GATA4: variants seen among roughly 807,000 people sequenced by gnomAD.
GATA4 encodes transcription factor GATA-4.
A neutral mutation model predicts 37.9 loss-of-function variants in GATA4; 7 were observed. The observed-to-expected ratio is 0.18, with a 90% CI of 0.11 to 0.35. The LOEUF (loss-of-function observed/expected upper bound fraction) is 0.35, where lower values mean the gene tolerates loss of function less well. GATA4 is among the 10% of genes least tolerant of loss of function. GATA4 has a pLI of 1.00. For missense variants in GATA4, 647 were observed against 653.0 expected, an observed-to-expected ratio of 0.99 and a Z score of 0.10; for synonymous variants, 372 against 292.6, an observed-to-expected ratio of 1.27 and a Z score of -2.77.
chr8:11,698,083 T>C, intron 1 of GATA4: 6 of 889,514 alleles, frequency 6.7e-6, no homozygotes, highest in Non-Finnish European at 8.1e-6. Context: ...CCCGGCCGCT[T>C]TCTGGCGTCC....
chr8:11,751,780 T>C (rs914326397), intron 4 of GATA4, among the ~76,000 whole-genome samples: 10 of 152,220 alleles, frequency 6.6e-5, no homozygotes, highest in Non-Finnish European at 8.8e-5. Context: ...AGTTTGCCCA[T>C]ATACTTGGCA....
At chr8:11,694,980 T>A (rs1205352640) in intron 1 of GATA4, among the ~76,000 whole-genome samples, 2 of 152,232 alleles carry the variant, frequency 1.3e-5, no homozygotes, top group Admixed American at 1.3e-4. Context: ...ATAATTGCTG[T>A]ATATACAAGT....
At chr8:11,679,255 G>A (rs980668018) in intron 1 of GATA4, among the ~76,000 whole-genome samples, 7 of 151,300 alleles carry the variant, frequency 4.6e-5, no homozygotes, top group Non-Finnish European at 1.5e-5. Context: ...TGAAGGCCCT[G>A]CCTCGGATCT....
At chr8:11,694,601 C>G in intron 1 of GATA4, 1 of 746,820 alleles carries the variant, frequency 1.3e-6, no homozygotes, top group African/African-American at 1.9e-5. Flanking sequence ...TGCTTTGTTC[C>G]TAAGAGGAAA....
chr8:11,677,043 G>C (rs1798807399), exon 1 of GATA4: 1 of 152,508 alleles, frequency 6.6e-6, no homozygotes, highest in African/African-American at 2.4e-5. Context: ...GCAGCCGCAG[G>C]GACGCCGCTC....
At position 11,708,923 on chromosome 8, in the gene GATA4, A is replaced by G. The variant is rs562967066; in HGVS notation, c.611A>G (p.Asn204Ser). Residue 204 changes from asparagine to serine, a missense_variant, in exon 2 of 7, where the codon AAT becomes AGT. By Grantham distance (46) the Asn-to-Ser change is conservative (BLOSUM62 1). Around this residue, in one of 5 missense-constraint regions of GATA4, gnomAD observed 379 missense variants for 334.5 expected, o/e 1.13. Coordinates refer to ENST00000532059, the MANE Select transcript of GATA4 (RefSeq NM_001308093.3). The surrounding 1 kb of genome is among the most constrained non-coding windows in gnomAD (Gnocchi z 6.7). ...GCCAACCCGGCCGCCCGACACCCCA[A>G]TCTCGGTGAGTAGGAGCGCGAGGGC... ...GRANPAARHP[N>S]LVDMFDDFSE... 73 of 1,524,714 alleles carry G rather than the reference A, an allele frequency of 4.8e-5. No homozygotes were observed. The highest frequency in any genetic ancestry group is 1.7e-4 in the South Asian group (14 of 83,450). 94.4% of individuals were successfully genotyped at this position (1,524,714 alleles called of 1,614,324 possible).
At chr8:11,752,508 G>C (rs1802353701) in intron 4 of GATA4, among the ~76,000 whole-genome samples, 1 of 152,204 alleles carries the variant, frequency 6.6e-6, no homozygotes, top group African/African-American at 2.4e-5. Flanking sequence ...AGTGAGAACA[G>C]TATGGGAGAA....
At chr8:11,741,030 G>C (rs192599491) in intron 2 of GATA4, among the ~76,000 whole-genome samples, 84 of 152,182 alleles carry the variant, frequency 5.5e-4, no homozygotes, top group Non-Finnish European at 9.9e-4. Flanking sequence ...CACCACACCT[G>C]ACCCTTTGCC....
chr8:11,739,653 G>A (rs1444087593), intron 2 of GATA4, among the ~76,000 whole-genome samples: 5 of 148,962 alleles, frequency 3.4e-5, no homozygotes, highest in African/African-American at 1.0e-4. Context: ...TGGGAGTGAC[G>A]CTGTCCCATC....
chr8:11,697,867 G>T (rs1799551765), intron 1 of GATA4: 1 of 985,378 alleles, frequency 1.0e-6, no homozygotes, highest in African/African-American at 1.7e-5. Context: ...GGCCTTTGCG[G>T]AAACGGGCCG....
rs974559544 is a variant in GATA4 at position 11,708,181 on chromosome 8, C to T, written c.-132C>T. 1.2e-5 allele frequency: 12 copies of T among 1,037,444 alleles called. No individual in the cohort carries two copies. Among genetic ancestry groups the T allele is most frequent in the African/African-American group, 1.1e-4 (7 of 63,418 alleles). 64.3% of individuals were successfully genotyped at this position (1,037,444 alleles called of 1,614,324 possible). On this transcript the variant is annotated 5_prime_UTR_variant, in exon 2 of 7. Transcript: ENST00000532059. The surrounding 1 kb of genome is among the most constrained non-coding windows in gnomAD (Gnocchi z 6.7). ...ATTTTTAAGCGAGTTGGTTTTTTCCCCTTTGATTTTTGATCTTCGCGACAG... is the reference window on the plus strand; with the variant it reads ...ATTTTTAAGCGAGTTGGTTTTTTCCTCTTTGATTTTTGATCTTCGCGACAG...
At chr8:11,750,317 C>G in intron 4 of GATA4, 81 bp downstream of exon 4, 2 of 1,572,124 alleles carry the variant, frequency 1.3e-6, no homozygotes, top group Admixed American at 1.7e-5. Flanking sequence ...TTCCTTTGTA[C>G]TAGCATTCAT....
intron 2 of GATA4, among the ~76,000 whole-genome samples, chr8:11,723,430 C>T (rs780592410): frequency 9.5e-4 from 145 of 152,124 alleles, no homozygotes; most frequent in South Asian, 1.0e-3. Context: ...ATTGTCCTAT[C>T]TTTGCTAGAG....
chr8:11,681,527 G>A, intron 1 of GATA4: 2 of 914,074 alleles, frequency 2.2e-6, no homozygotes, highest in Non-Finnish European at 1.3e-6. Flanking sequence ...GGTCCCTCTC[G>A]GGAACGGCTG....
intron 2 of GATA4, among the ~76,000 whole-genome samples, chr8:11,744,742 G>T (rs894941940): frequency 6.6e-6 from 1 of 152,212 alleles, no homozygotes; most frequent in African/African-American, 2.4e-5. Flanking sequence ...AACTTCTGCC[G>T]ATTTGGAGGT....
At chr8:11,746,572 G>C (rs1039591985) in intron 2 of GATA4, among the ~76,000 whole-genome samples, 1 of 152,228 alleles carries the variant, frequency 6.6e-6, no homozygotes, top group Admixed American at 6.5e-5. Context: ...CCCGCCTCTT[G>C]CTGTGGAGTG....
intron 2 of GATA4, among the ~76,000 whole-genome samples, chr8:11,746,679 G>A (rs533580197): frequency 1.3e-5 from 2 of 152,350 alleles, no homozygotes; most frequent in African/African-American, 4.8e-5. Context: ...CCATAGGCAC[G>A]GACTGTAGAG....
intron 4 of GATA4, 60 bp downstream of exon 4, chr8:11,750,296 C>G (rs2130314072): frequency 6.2e-7 from 1 of 1,601,358 alleles, no homozygotes; most frequent in East Asian, 2.2e-5. Context: ...TCTCAGTCCT[C>G]CCTTGTCTTC....
At chr8:11,699,271 G>A (rs1451102559), upstream of GATA4, among the ~76,000 whole-genome samples, 3 of 152,330 alleles carry the variant, frequency 2.0e-5, no homozygotes, top group South Asian at 4.1e-4. Flanking sequence ...TACTAGTCCA[G>A]GGATGTTAAC....
Sources: allele counts gnomAD v4.1 joint callset (sites outside exome capture counted in the v4.1 genomes callset), GRCh38; gene constraint gnomAD v4.1.1; regional missense constraint gnomAD v4.1.1; non-coding constraint Gnocchi (gnomAD v3.1); transcripts MANE v1.5; gene names NCBI Gene and HGNC (gene_info 2026-07-23, HGNC 2026-07-21).